LRMDA: variants seen among roughly 807,000 people sequenced by gnomAD.
LRMDA encodes leucine-rich melanocyte differentiation-associated protein.
A neutral mutation model predicts 29.8 loss-of-function variants in LRMDA; 18 were observed. That is an observed-to-expected ratio of 0.60 (90% CI 0.42 to 0.90). The LOEUF (loss-of-function observed/expected upper bound fraction) is 0.90. Ranked by LOEUF, LRMDA falls within the 40% of genes least tolerant of loss-of-function variation. The pLI is 0.00. For synonymous variants in LRMDA, 125 were observed against 109.4 expected, an observed-to-expected ratio of 1.14 and a Z score of -0.89; for missense variants, 273 against 273.9, an observed-to-expected ratio of 1.00 and a Z score of 0.02.
At chr10:76,035,252 GC>G (rs1848221146) in intron 2 of LRMDA, among the ~76,000 whole-genome samples, 1 of 151,964 alleles carries the variant, frequency 6.6e-6, no homozygotes, top group South Asian at 2.1e-4. Flanking sequence ...CAGGCCAGGA[GC>G]TTTGAAGCAG....
At chr10:75,672,866 C>G (rs1841915847) in intron 2 of LRMDA, among the ~76,000 whole-genome samples, 1 of 151,584 alleles carries the variant, frequency 6.6e-6, no homozygotes, top group Non-Finnish European at 1.5e-5. Flanking sequence ...ACCACTGCGC[C>G]CAACCCTTTG....
intron 2 of LRMDA, among the ~76,000 whole-genome samples, chr10:75,932,595 G>C (rs974763392): frequency 2.0e-5 from 3 of 152,064 alleles, no homozygotes; most frequent in African/African-American, 7.3e-5. Flanking sequence ...CTGGGCAATA[G>C]AGTGAGACTC....
chr10:75,542,421 G>A (rs2132049547), intron 2 of LRMDA, among the ~76,000 whole-genome samples: 1 of 152,120 alleles, frequency 6.6e-6, no homozygotes, highest in South Asian at 2.1e-4. Flanking sequence ...CTAGTTTCCA[G>A]CCATCCTGTT....
chr10:76,197,474 G>A (rs1851349846), intron 5 of LRMDA, among the ~76,000 whole-genome samples: 1 of 152,176 alleles, frequency 6.6e-6, no homozygotes, highest in Non-Finnish European at 1.5e-5. Flanking sequence ...TATCTCCCTG[G>A]AGACAGTTGG....
intron 6 of LRMDA, among the ~76,000 whole-genome samples, chr10:76,479,559 C>A (rs1024854694): frequency 6.6e-6 from 1 of 151,802 alleles, no homozygotes; most frequent in Admixed American, 6.6e-5. Flanking sequence ...GAGCACAGGG[C>A]AGCCCTGTGC....
At chr10:76,323,242 C>T (rs903082503) in intron 5 of LRMDA, among the ~76,000 whole-genome samples, 2 of 152,024 alleles carry the variant, frequency 1.3e-5, no homozygotes, top group Non-Finnish European at 2.9e-5. Flanking sequence ...CTTAGTCAAA[C>T]GTCTCAAATG....
At chr10:75,796,813 C>T (rs1486434038) in intron 2 of LRMDA, among the ~76,000 whole-genome samples, 1 of 152,240 alleles carries the variant, frequency 6.6e-6, no homozygotes, top group Non-Finnish European at 1.5e-5. Context: ...GATCCACCCG[C>T]CTTGGCCTCC....
At chr10:76,351,569 A>G (rs1392115623) in intron 6 of LRMDA, among the ~76,000 whole-genome samples, 2 of 152,184 alleles carry the variant, frequency 1.3e-5, no homozygotes, top group African/African-American at 4.8e-5. Context: ...CCATTCACCA[A>G]TATTAGCAGA....
At chr10:75,684,718 G>C (rs1842062838) in intron 2 of LRMDA, among the ~76,000 whole-genome samples, 1 of 152,140 alleles carries the variant, frequency 6.6e-6, no homozygotes, top group African/African-American at 2.4e-5. Flanking sequence ...AAGGACTTCA[G>C]AACCTGCCAT....
intron 5 of LRMDA, among the ~76,000 whole-genome samples, chr10:76,150,087 A>G (rs930562093): frequency 1.3e-5 from 2 of 152,184 alleles, no homozygotes; most frequent in African/African-American, 2.4e-5. Context: ...CTTGGGGGGA[A>G]GTTTCCTCTT....
chr10:75,535,934 T>A (rs899203247), intron 2 of LRMDA, among the ~76,000 whole-genome samples: 1 of 152,212 alleles, frequency 6.6e-6, no homozygotes, highest in African/African-American at 2.4e-5. Context: ...ATTGGCTGTA[T>A]GACTTTGAGC....
chr10:75,478,170 G>T (rs1182588299), intron 2 of LRMDA, among the ~76,000 whole-genome samples: 1 of 152,206 alleles, frequency 6.6e-6, no homozygotes, highest in Non-Finnish European at 1.5e-5. Context: ...ATTCACCTTG[G>T]GAGGAGGCAG....
In LRMDA at chr10:76,520,448, T is replaced by C. The variant is rs77314702; in HGVS notation, c.602-36761T>C. Among the ~76,000 whole-genome samples, 961 of 152,268 alleles carry C rather than the reference T, an allele frequency of 6.3e-3. 7 individuals are homozygous for C. Among genetic ancestry groups the C allele is most frequent in the African/African-American group, 0.022 (928 of 41,552 alleles). ...TCAAGATGACGTCAACTATTCTTTTTAAATGTATTAACTAAGAGGAATGCA... is the reference window on the plus strand; with the variant it reads ...TCAAGATGACGTCAACTATTCTTTTCAAATGTATTAACTAAGAGGAATGCA... On this transcript the variant is annotated intron_variant, in intron 6 of 6. Transcript: ENST00000611255.
intron 2 of LRMDA, among the ~76,000 whole-genome samples, chr10:76,009,637 G>A (rs529236882): frequency 6.6e-6 from 1 of 152,134 alleles, no homozygotes; most frequent in African/African-American, 2.4e-5. Flanking sequence ...AGAGCCTAGG[G>A]GGAACCTCCC....
At chr10:76,162,405 G>A (rs547266911) in intron 5 of LRMDA, among the ~76,000 whole-genome samples, 1 of 152,090 alleles carries the variant, frequency 6.6e-6, no homozygotes, top group African/African-American at 2.4e-5. Flanking sequence ...GTCAATTCTC[G>A]CATTGCTACA....
chr10:75,531,764 G>T (rs1222677846), intron 2 of LRMDA, among the ~76,000 whole-genome samples: 1 of 152,144 alleles, frequency 6.6e-6, no homozygotes, highest in Non-Finnish European at 1.5e-5. Context: ...TAGGCCAAAA[G>T]GAATTGGCCT....
intron 6 of LRMDA, among the ~76,000 whole-genome samples, chr10:76,346,849 G>A (rs552968018): frequency 6.6e-6 from 1 of 152,282 alleles, no homozygotes; most frequent in South Asian, 2.1e-4. Context: ...CCTGAAGCCT[G>A]TGTTCTTTCC....
chr10:76,197,541 T>C (rs917687390), intron 5 of LRMDA, among the ~76,000 whole-genome samples: 1 of 152,146 alleles, frequency 6.6e-6, no homozygotes, highest in Non-Finnish European at 1.5e-5. Flanking sequence ...GACACTAATA[T>C]TTAGTGGGTA....
intron 2 of LRMDA, among the ~76,000 whole-genome samples, chr10:75,866,481 G>A (rs1845022478): frequency 6.6e-6 from 1 of 152,226 alleles, no homozygotes; most frequent in East Asian, 1.9e-4. Flanking sequence ...TAGCAATGAA[G>A]ATTGCTTGTT....
Sources: allele counts gnomAD v4.1 joint callset (sites outside exome capture counted in the v4.1 genomes callset), GRCh38; gene constraint gnomAD v4.1.1; transcripts MANE v1.5; gene names NCBI Gene and HGNC (gene_info 2026-07-23, HGNC 2026-07-21).